Variants in SLC24A3 observed in about 807,000 individuals in gnomAD.
The protein encoded by SLC24A3 is sodium/potassium/calcium exchanger 3.
SLC24A3 carries 28 observed loss-of-function variants against 75.8 expected under a neutral mutation model. That is an observed-to-expected ratio of 0.37 (90% confidence interval 0.27 to 0.51). The LOEUF (loss-of-function observed/expected upper bound fraction) is 0.51, where lower values mean the gene tolerates loss of function less well. Ranked by LOEUF, SLC24A3 falls within the 20% of genes least tolerant of loss-of-function variation. SLC24A3 has a pLI of 0.94. For missense variants in SLC24A3, 663 were observed against 847.8 expected (o/e 0.78, Z 2.71); for synonymous variants, 372 against 334.1 (o/e 1.11, Z -1.24).
chr20:19,556,778 G>A (rs2030794313), intron 3 of SLC24A3, among the ~76,000 whole-genome samples: 1 of 152,016 alleles, frequency 6.6e-6, no homozygotes, highest in South Asian at 2.1e-4. Context: ...CATCCTTACT[G>A]ACCTCAAACC....
chr20:19,527,935 G>A (rs187213588), intron 3 of SLC24A3, among the ~76,000 whole-genome samples: 3 of 152,240 alleles, frequency 2.0e-5, no homozygotes, highest in African/African-American at 4.8e-5. Context: ...AACTAAGGGC[G>A]GGTGGAGTGA....
intron 14 of SLC24A3, 22 bp from the exon 15 acceptor site, chr20:19,698,546 A>G (rs1418110852): frequency 6.4e-7 from 1 of 1,553,430 alleles, no homozygotes; most frequent in East Asian, 2.4e-5. Context: ...TCCCTCTCTT[A>G]AGTGACCTCT....
chr20:19,526,764 G>A (rs2030205890), intron 3 of SLC24A3, among the ~76,000 whole-genome samples: 1 of 152,180 alleles, frequency 6.6e-6, no homozygotes, highest in East Asian at 1.9e-4. Flanking sequence ...CCTAAAGTAA[G>A]AGTATAAGTT....
chr20:19,213,032 TCGGGGCTCCCGGGGCTGGGCG>T (rs1981449959), intron 1 of SLC24A3, 48 bp downstream of exon 1: 1 of 1,192,190 alleles, frequency 8.4e-7, no homozygotes, highest in Non-Finnish European at 1.0e-6. Context: ...CTCCGGCGGC[TCGGGGCTCCCGGGGCTGGGCG>T]CGGGGCTCCT....
At chr20:19,481,570 G>A (rs1600247408) in intron 2 of SLC24A3, among the ~76,000 whole-genome samples, 1 of 152,188 alleles carries the variant, frequency 6.6e-6, no homozygotes, top group Non-Finnish European at 1.5e-5. Context: ...TGGAGAAACG[G>A]TGGTCCCACA....
intron 6 of SLC24A3, among the ~76,000 whole-genome samples, chr20:19,614,198 T>A (rs1600303595): frequency 1.3e-5 from 2 of 152,348 alleles, no homozygotes; most frequent in South Asian, 2.1e-4. Context: ...GCTATCTGTA[T>A]GAAGTTGAGC....
At chr20:19,500,731 T>A (rs1988371967) in intron 2 of SLC24A3, among the ~76,000 whole-genome samples, 1 of 152,196 alleles carries the variant, frequency 6.6e-6, no homozygotes, top group Admixed American at 6.5e-5. Flanking sequence ...CTGCATGAAC[T>A]CAAACATCGT....
chr20:19,678,401 A>G (rs2032556565), intron 9 of SLC24A3, among the ~76,000 whole-genome samples: 1 of 123,108 alleles, frequency 8.1e-6, no homozygotes, highest in Non-Finnish European at 1.7e-5. Context: ...CTCACTTCCC[A>G]GTAGGGACGG....
intron 2 of SLC24A3, among the ~76,000 whole-genome samples, chr20:19,350,147 A>G (rs1985534760): frequency 6.6e-6 from 1 of 152,214 alleles, no homozygotes; most frequent in Admixed American, 6.5e-5. Context: ...GCTATTTATA[A>G]GGACTGAATT....
chr20:19,698,492 A>G (rs2032836329), intron 14 of SLC24A3, 76 bp from the exon 15 acceptor site: 2 of 998,194 alleles, frequency 2.0e-6, no homozygotes, highest in Non-Finnish European at 3.1e-6. Context: ...TGGCTGTGAG[A>G]CTAAAGGCTT....
At chr20:19,522,725 G>T (rs1185473233) in intron 3 of SLC24A3, among the ~76,000 whole-genome samples, 1 of 151,940 alleles carries the variant, frequency 6.6e-6, no homozygotes, top group Non-Finnish European at 1.5e-5. Context: ...GGCGCAGGAG[G>T]CCTCTCTGCA....
At chr20:19,231,553 A>G (rs1162792890) in intron 1 of SLC24A3, among the ~76,000 whole-genome samples, 5 of 152,182 alleles carry the variant, frequency 3.3e-5, no homozygotes, top group African/African-American at 1.2e-4. Context: ...CCGTGAGCCA[A>G]GGAATGGGGG....
chr20:19,673,559 G>T (rs1351419165), intron 8 of SLC24A3, 42 bp from the exon 9 acceptor site: 1 of 1,576,072 alleles, frequency 6.3e-7, no homozygotes, highest in African/African-American at 1.3e-5. Flanking sequence ...GAGTTTCACA[G>T]ATGTCCATGA....
At chr20:19,346,751 G>C (rs548834237) in intron 2 of SLC24A3, among the ~76,000 whole-genome samples, 1 of 152,038 alleles carries the variant, frequency 6.6e-6, no homozygotes, top group African/African-American at 2.4e-5. Context: ...TACACTGCTC[G>C]GGTGATGGGT....
intron 1 of SLC24A3, among the ~76,000 whole-genome samples, chr20:19,248,100 G>C (rs992953845): frequency 3.9e-4 from 60 of 152,150 alleles, no homozygotes; most frequent in African/African-American, 1.4e-3. Context: ...TTGTTCCAGA[G>C]CATGACATAG....
At chr20:19,245,726 A>T (rs1982468237) in intron 1 of SLC24A3, among the ~76,000 whole-genome samples, 1 of 152,164 alleles carries the variant, frequency 6.6e-6, no homozygotes, top group South Asian at 2.1e-4. Flanking sequence ...GACGATTTTA[A>T]TGCTAATGGT....
chr20:19,714,785 A>C (rs772266208), intron 15 of SLC24A3, among the ~76,000 whole-genome samples: 2 of 152,258 alleles, frequency 1.3e-5, no homozygotes, highest in African/African-American at 2.4e-5. Context: ...TCGAGATTTC[A>C]TGTGAACATA....
chr20:19,510,132 C>A (rs1399644570), intron 2 of SLC24A3, among the ~76,000 whole-genome samples: 21 of 152,212 alleles, frequency 1.4e-4, no homozygotes, highest in Admixed American at 1.4e-3. Context: ...CCCAGTGGGT[C>A]TCTAAGATAG....
chr20:19,683,877 C>A (rs888385385), intron 10 of SLC24A3, among the ~76,000 whole-genome samples: 1 of 152,122 alleles, frequency 6.6e-6, no homozygotes, highest in Non-Finnish European at 1.5e-5. Flanking sequence ...TTGCTCACTG[C>A]AACCCTTCCT....
Sources: allele counts gnomAD v4.1 joint callset (sites outside exome capture counted in the v4.1 genomes callset), GRCh38; gene constraint gnomAD v4.1.1; transcripts MANE v1.5; gene names NCBI Gene and HGNC (gene_info 2026-07-23, HGNC 2026-07-21).